The following PHF14 variants were observed in gnomAD, a reference collection of about 807,000 sequenced individuals.
The protein encoded by PHF14 is PHD finger protein 14.
PHF14 carries 55 observed loss-of-function variants against 117.9 expected under a neutral mutation model. That is an observed-to-expected ratio of 0.47 (90% CI 0.38 to 0.58). The LOEUF is 0.58. PHF14 is among the 20% of genes least tolerant of loss of function. The pLI is 0.00. For missense variants in PHF14, 978 were observed against 1,122.2 expected (o/e 0.87, Z 1.84); for synonymous variants, 409 against 368.6 (o/e 1.11, Z -1.26).
intron 16 of PHF14, among the ~76,000 whole-genome samples, chr7:11,097,836 C>G (rs919732118): frequency 1.3e-5 from 2 of 152,172 alleles, no homozygotes; most frequent in African/African-American, 4.8e-5. Context: ...TCTATTCTAT[C>G]TTCTCCTTCA....
intron 4 of PHF14, among the ~76,000 whole-genome samples, chr7:11,001,683 C>T (rs573818413): frequency 2.0e-5 from 3 of 152,120 alleles, no homozygotes; most frequent in African/African-American, 7.2e-5. Context: ...TCATTGCTTT[C>T]ATAAGAAAGC....
rs116747132 is a variant in PHF14 at position 11,135,198 on chromosome 7, C to T, written c.2772+23731C>T. 7.9e-3 allele frequency among the ~76,000 whole-genome samples: 1,209 copies of T among 152,166 alleles called. 11 individuals are homozygous for T. The highest frequency in any genetic ancestry group is 0.028 in the African/African-American group (1,153 of 41,542). On this transcript the variant is annotated intron_variant, in intron 17 of 17. Transcript: ENST00000634607. ...TAAACTTGGGCAAGTGGCATAATGGCTCTGTGCCTCAGTTTCCTCATGTTA... is the reference window on the plus strand; with the variant it reads ...TAAACTTGGGCAAGTGGCATAATGGTTCTGTGCCTCAGTTTCCTCATGTTA...
chr7:11,015,146 AAAACTAGGGTATATTATGTCCT>A (rs1166984694), intron 5 of PHF14: 1 of 152,146 alleles, frequency 6.6e-6, no homozygotes, highest in Non-Finnish European at 1.5e-5. Context: ...TTTTAACATA[AAAACTAGGGTATATTATGTCCT>A]AAAATAAAGG....
intron 16 of PHF14, among the ~76,000 whole-genome samples, chr7:11,096,318 C>T (rs1447245617): frequency 6.6e-6 from 1 of 152,002 alleles, no homozygotes; most frequent in East Asian, 1.9e-4. Context: ...ATATTCTTAT[C>T]CTAAAGTTTT....
At chr7:11,017,609 T>C (rs533048590) in intron 5 of PHF14, among the ~76,000 whole-genome samples, 12 of 152,188 alleles carry the variant, frequency 7.9e-5, no homozygotes, top group East Asian at 3.8e-4. Flanking sequence ...TTATTAGATT[T>C]TTTCCTGTGG....
At chr7:11,074,274 G>C (rs1447645598) in intron 16 of PHF14, among the ~76,000 whole-genome samples, 1 of 150,118 alleles carries the variant, frequency 6.7e-6, no homozygotes, top group East Asian at 2.0e-4. Context: ...GCAGTGGCAC[G>C]ATCTCAGCTC....
chr7:11,026,109 C>CA (rs142566001), intron 6 of PHF14, among the ~76,000 whole-genome samples: 1,017 of 55,684 alleles, frequency 0.018, 5 homozygotes, highest in South Asian at 0.037. Flanking sequence ...GAGACTCCAT[C>CA]AAAAAAAAAA....
At chr7:11,163,391 A>G (rs1048326841) in intron 17 of PHF14, among the ~76,000 whole-genome samples, 2 of 152,244 alleles carry the variant, frequency 1.3e-5, no homozygotes, top group African/African-American at 4.8e-5. Context: ...GTAAAATGGT[A>G]TATTAATTGC....
chr7:10,982,950 G>A lies in PHF14; in HGVS notation c.691G>A (p.Gly231Arg), dbSNP rs1211038892. 2 of 1,598,678 alleles carry A rather than the reference G, an allele frequency of 1.3e-6. No homozygotes were observed. The highest frequency in any genetic ancestry group is 1.7e-6 in the Non-Finnish European group (2 of 1,172,182). The change falls in exon 3 of 18, where the codon GGA becomes AGA. Residue 231 changes from glycine to arginine, a missense_variant. Around this residue, in one of 7 missense-constraint regions of PHF14, gnomAD observed 414 missense variants for 376.4 expected, o/e 1.10. Transcript: ENST00000634607. ...RKGRSASQKE[G>R]SDGDNEDDED... is the part of the protein sequence containing the mutation. ...AGGGAGATCTGCGTCTCAGAAAGAG[G>A]GAAGTGATGGAGACAATGAGGATGA...
chr7:10,991,693 G>A (rs567621458), intron 4 of PHF14, among the ~76,000 whole-genome samples: 4 of 150,272 alleles, frequency 2.7e-5, no homozygotes, highest in African/African-American at 9.8e-5. Context: ...TTAAAGGTCG[G>A]TGTTCTGGTA....
intron 16 of PHF14, among the ~76,000 whole-genome samples, chr7:11,081,870 A>T (rs1786121992): frequency 6.8e-6 from 1 of 146,476 alleles, no homozygotes; most frequent in Non-Finnish European, 1.5e-5. Context: ...AAAAAAAAAG[A>T]GATTTATGAT....
rs1178373571 is a variant in PHF14 at position 10,994,379 on chromosome 7, C to T, written c.1045+3532C>T. On this transcript the variant is annotated intron_variant, in intron 4 of 17. Coordinates refer to ENST00000634607, the MANE Select transcript of PHF14 (RefSeq NM_001007157.2). The stretch of plus-strand genomic sequence containing the variant: ...GCTTGAACCCAGGAGGCAGAGGTTG[C>T]AGTGAGCTGAGGTCGAGCCACTGCA... Among the ~76,000 whole-genome samples, 3 of 152,134 alleles carry T rather than the reference C, an allele frequency of 2.0e-5. No homozygotes were observed. The East Asian group carries it at 5.8e-4, about 29-fold the overall frequency.
At chr7:11,035,285 C>T (rs965480409) in intron 7 of PHF14, among the ~76,000 whole-genome samples, 2 of 152,054 alleles carry the variant, frequency 1.3e-5, no homozygotes, top group East Asian at 3.9e-4. Flanking sequence ...ACATAAGACG[C>T]TTGAGCATCC....
chr7:11,133,050 A>C (rs1788128969), intron 17 of PHF14, among the ~76,000 whole-genome samples: 2 of 151,964 alleles, frequency 1.3e-5, no homozygotes, highest in Admixed American at 1.3e-4. Flanking sequence ...TAATAAAAGA[A>C]ATAAAGAACT....
Position 11,147,922 on chromosome 7 carries a change from G to C in PHF14, c.2773-21494G>C, listed in dbSNP as rs777273738. On this transcript the variant is annotated intron_variant, in intron 17 of 17. Transcript: ENST00000634607. ...GCTCAAACTTAATGTTACCAAAATA[G>C]AATTATTGGTTTCTTGATTCTTCTC... 4.1e-4 allele frequency among the ~76,000 whole-genome samples: 62 copies of C among 151,924 alleles called. 2 individuals carry two copies. Among genetic ancestry groups the C allele is most frequent in the Non-Finnish European group, 2.5e-4 (17 of 67,986 alleles).
chr7:11,108,155 A>G (rs1478418086), intron 16 of PHF14: 7 of 151,710 alleles, frequency 4.6e-5, no homozygotes, highest in Admixed American at 3.3e-4. Flanking sequence ...GTTCTGCTAG[A>G]GTTCACTTGT....
chr7:11,155,684 C>T (rs1235552562), intron 17 of PHF14, among the ~76,000 whole-genome samples: 1 of 152,006 alleles, frequency 6.6e-6, no homozygotes, highest in Non-Finnish European at 1.5e-5. Context: ...TGCAATGATA[C>T]AGTTACTTGA....
intron 14 of PHF14, among the ~76,000 whole-genome samples, chr7:11,054,704 C>T (rs1784957757): frequency 6.6e-6 from 1 of 151,966 alleles, no homozygotes; most frequent in Non-Finnish European, 1.5e-5. Flanking sequence ...GTATAAATAC[C>T]TTTTGCAATA....
At chr7:11,002,942 G>A (rs1782929513) in intron 4 of PHF14, among the ~76,000 whole-genome samples, 1 of 151,672 alleles carries the variant, frequency 6.6e-6, no homozygotes, top group African/African-American at 2.4e-5. Flanking sequence ...TGTCTTCAGG[G>A]TGATTTTTCT....
Sources: gnomAD v4.1 joint callset for allele counts (sites outside exome capture counted in the v4.1 genomes callset) on GRCh38, gnomAD v4.1.1 for gene constraint, gnomAD v4.1.1 regional missense constraint, MANE v1.5 for transcripts, NCBI Gene and HGNC (gene_info 2026-07-23, HGNC 2026-07-21) for gene names.